CSMD3: variants seen among roughly 807,000 people sequenced by gnomAD.
The protein encoded by CSMD3 is CUB and Sushi multiple domains 3.
In CSMD3, 177 loss-of-function variants were observed where a neutral mutation model predicts 435.2. The observed-to-expected ratio is 0.41, with a 90% CI of 0.36 to 0.46. The LOEUF (loss-of-function observed/expected upper bound fraction) is 0.46. CSMD3 is among the 20% of genes least tolerant of loss of function. The pLI, the probability that CSMD3 is intolerant of heterozygous loss-of-function variation, is 0.34. For missense variants in CSMD3, 4,265 were observed against 4,504.6 expected (o/e 0.95, Z 1.52); for synonymous variants, 1,656 against 1,520.5 (o/e 1.09, Z -2.07).
chr8:113,080,441 C>G (rs1169789617), intron 5 of CSMD3, among the ~76,000 whole-genome samples: 2 of 152,074 alleles, frequency 1.3e-5, no homozygotes, highest in Admixed American at 1.3e-4. Context: ...AAGCACTATG[C>G]TAGGCACAGA....
At chr8:113,122,884 CCTA>C (rs1159394702) in intron 4 of CSMD3, among the ~76,000 whole-genome samples, 1 of 151,932 alleles carries the variant, frequency 6.6e-6, no homozygotes, top group Non-Finnish European at 1.5e-5. Context: ...AACATGATTT[CCTA>C]CTTTCTTAAT....
chr8:113,310,683 T>C (rs1252390545), intron 2 of CSMD3: 1 of 151,904 alleles, frequency 6.6e-6, no homozygotes, highest in African/African-American at 2.4e-5. Context: ...AGTTTTCTAG[T>C]TGTAATAATA....
intron 38 of CSMD3, among the ~76,000 whole-genome samples, chr8:112,359,644 C>T (rs149732165): frequency 6.6e-4 from 100 of 152,058 alleles, no homozygotes; most frequent in African/African-American, 2.3e-3. Flanking sequence ...ATAGAAAATG[C>T]CATAAAAGCA....
intron 1 of CSMD3, among the ~76,000 whole-genome samples, chr8:113,340,668 A>T (rs774798490): frequency 1.3e-5 from 2 of 152,058 alleles, no homozygotes; most frequent in Admixed American, 1.3e-4. Flanking sequence ...TGAGGCCAGG[A>T]GTTTGAGACC....
intron 32 of CSMD3, among the ~76,000 whole-genome samples, chr8:112,469,246 G>A (rs1228016954): frequency 1.3e-5 from 2 of 150,208 alleles, no homozygotes; most frequent in South Asian, 2.1e-4. Context: ...TCTGAAAACT[G>A]TCATCTGTTC....
intron 3 of CSMD3, among the ~76,000 whole-genome samples, chr8:113,261,160 A>G (rs901433394): frequency 3.9e-5 from 6 of 152,144 alleles, no homozygotes; most frequent in Admixed American, 6.6e-5. Flanking sequence ...AGATTGGTCC[A>G]TAGTGTCTAT....
At chr8:112,557,877 C>A (rs1586678813) in intron 24 of CSMD3, among the ~76,000 whole-genome samples, 1 of 151,862 alleles carries the variant, frequency 6.6e-6, no homozygotes, top group South Asian at 2.1e-4. Context: ...TTATGGGAAA[C>A]CCCAATTTAT....
At chr8:113,420,306 TGAA>T (rs1458124157) in intron 1 of CSMD3, among the ~76,000 whole-genome samples, 1 of 152,066 alleles carries the variant, frequency 6.6e-6, no homozygotes, top group Non-Finnish European at 1.5e-5. Context: ...ACTTACTAAA[TGAA>T]GGAGGAGATT....
chr8:112,909,208 G>T lies in CSMD3; in HGVS notation c.1633+12419C>A, dbSNP rs1007578039. On this transcript the variant is annotated intron_variant, in intron 10 of 70. Transcript: ENST00000297405. The stretch of plus-strand genomic sequence containing the variant: ...GAAATAAAAGTTTACCCAAAATCAA[G>T]CACATAAACATAAACTTATATTAAC... Among the ~76,000 whole-genome samples the T allele has an allele frequency of 4.0e-5, 6 of 151,276 alleles. No homozygotes were observed. In the Admixed American group the frequency reaches 4.0e-4, roughly 10 times the overall value.
At position 112,559,161 on chromosome 8, in the gene CSMD3, G is replaced by T. The variant is rs1828389737; in HGVS notation, c.4043-2207C>A. Among the ~76,000 whole-genome samples, 3 of 151,896 alleles carry T rather than the reference G, an allele frequency of 2.0e-5. No individual in the cohort carries two copies. The South Asian group carries it at 6.2e-4, about 31-fold the overall frequency. Reference sequence around the variant, plus strand: ...AAGTTAATTTACAACTGTATGAATAGTGAGAAAACTCCAGAGAAATTTATG... The same window carrying T: ...AAGTTAATTTACAACTGTATGAATATTGAGAAAACTCCAGAGAAATTTATG... On this transcript the variant is annotated intron_variant, in intron 24 of 70. Coordinates refer to ENST00000297405, the MANE Select transcript of CSMD3 (RefSeq NM_198123.2).
chr8:113,099,597 A>G (rs978321), intron 4 of CSMD3, among the ~76,000 whole-genome samples: 69,541 of 151,906 alleles, frequency 0.46, 17,900 homozygotes, highest in East Asian at 0.87. Flanking sequence ...CTTTTACTAA[A>G]TAGTCATATA....
At chr8:112,709,064 T>C (rs2076557445) in intron 13 of CSMD3, among the ~76,000 whole-genome samples, 1 of 152,090 alleles carries the variant, frequency 6.6e-6, no homozygotes, top group Non-Finnish European at 1.5e-5. Flanking sequence ...TCTGAATAAG[T>C]AGCCTTGATT....
At chr8:113,343,187 T>C (rs1420511849) in intron 1 of CSMD3, among the ~76,000 whole-genome samples, 1 of 151,782 alleles carries the variant, frequency 6.6e-6, no homozygotes, top group Non-Finnish European at 1.5e-5. Context: ...AAGTAGCTAC[T>C]TTTAAAGCTA....
intron 32 of CSMD3, among the ~76,000 whole-genome samples, chr8:112,416,732 T>G (rs1811951887): frequency 6.6e-6 from 1 of 152,194 alleles, no homozygotes; most frequent in African/African-American, 2.4e-5. Flanking sequence ...TGTAAATTAA[T>G]ATTTCAATTT....
At chr8:112,867,708 C>G (rs1470609376) in intron 10 of CSMD3, among the ~76,000 whole-genome samples, 1 of 151,870 alleles carries the variant, frequency 6.6e-6, no homozygotes, top group African/African-American at 2.4e-5. Context: ...AAATATCATA[C>G]AAAAAAATTA....
intron 10 of CSMD3, among the ~76,000 whole-genome samples, chr8:112,873,296 C>A (rs1462439428): frequency 5.3e-5 from 8 of 151,770 alleles, no homozygotes; most frequent in Admixed American, 5.3e-4. Context: ...TAGACCTCCC[C>A]AAAATTTAAA....
intron 10 of CSMD3, among the ~76,000 whole-genome samples, chr8:112,885,427 T>G (rs974117717): frequency 1.3e-5 from 2 of 151,516 alleles, no homozygotes; most frequent in African/African-American, 4.8e-5. Context: ...GTTGATGAAC[T>G]AATGCCAATC....
chr8:112,781,296 A>G (rs2078379139), intron 13 of CSMD3, among the ~76,000 whole-genome samples: 3 of 152,066 alleles, frequency 2.0e-5, no homozygotes, highest in Admixed American at 6.6e-5. Context: ...AGTACTTACC[A>G]TGGTTGTAGA....
chr8:112,418,259 TTTA>T (rs978811064), intron 32 of CSMD3, among the ~76,000 whole-genome samples: 3 of 152,290 alleles, frequency 2.0e-5, no homozygotes, highest in East Asian at 1.9e-4. Context: ...TATTTTCTTT[TTTA>T]TTATTATTAT....
Sources: allele counts gnomAD v4.1 joint callset (sites outside exome capture counted in the v4.1 genomes callset), GRCh38; gene constraint gnomAD v4.1.1; transcripts MANE v1.5; gene names NCBI Gene and HGNC (gene_info 2026-07-23, HGNC 2026-07-21).